Variants in C1QTNF7 observed in about 807,000 individuals in gnomAD.
C1QTNF7 encodes C1q and TNF related 7, also known as complement C1q tumor necrosis factor-related protein 7.
C1QTNF7 carries 15 observed loss-of-function variants against 19.6 expected under a neutral mutation model. The ratio of observed to expected loss-of-function variants is 0.76; its 90% CI spans 0.51 to 1.18. The LOEUF is 1.18. Among genes scored for constraint, C1QTNF7 ranks in the 50% most tolerant of loss-of-function variants. The pLI is 0.00. For synonymous variants in C1QTNF7, 142 were observed against 137.5 expected, an observed-to-expected ratio of 1.03 and a Z score of -0.23; for missense variants, 324 against 359.7, an observed-to-expected ratio of 0.90 and a Z score of 0.80.
rs33924061 is a variant in C1QTNF7 at position 15,431,052 on chromosome 4, T to TGATAGATAGATA, written c.-9+2990_-9+3001dup. On this transcript the variant is annotated intron_variant, in intron 1 of 2. Transcript: ENST00000444304. ...CCATTTGTAGATTAAGATAGATAGA[T>TGATAGATAGATA]GATAGATAGATAGATAGATAGATAG... 3.2e-3 allele frequency among the ~76,000 whole-genome samples: 461 copies of TGATAGATAGATA among 145,014 alleles called. 1 individual carries two copies. Among genetic ancestry groups the TGATAGATAGATA allele is most frequent in the East Asian group, 6.7e-3 (33 of 4,918 alleles).
Position 15,442,968 on chromosome 4 carries a change from C to G in C1QTNF7, c.*169C>G, listed in dbSNP as rs1224152032. The stretch of plus-strand genomic sequence containing the variant: ...ATGAAACACAGAAAAGTTGAAACCA[C>G]AACAAAATGAATTCTATTAAAGAAT... On this transcript the variant is annotated 3_prime_UTR_variant, in exon 3 of 3. Coordinates refer to ENST00000444304, the MANE Select transcript of C1QTNF7 (RefSeq NM_031911.5). The G allele has an allele frequency of 1.5e-5, 9 of 590,276 alleles. No individual in the cohort carries two copies. The African/African-American group carries it at 1.7e-4, about 11-fold the overall frequency. 36.6% of individuals were successfully genotyped at this position (590,276 alleles called of 1,614,324 possible).
chr4:15,395,609 G>C (rs1037465233), intron 1 of C1QTNF7, among the ~76,000 whole-genome samples: 4 of 152,196 alleles, frequency 2.6e-5, no homozygotes, highest in Non-Finnish European at 5.9e-5. Context: ...TCTCTACCAG[G>C]AGGCATGATG....
chr4:15,440,594 G>C (rs1282586332), intron 2 of C1QTNF7, among the ~76,000 whole-genome samples: 1 of 152,050 alleles, frequency 6.6e-6, no homozygotes, highest in Non-Finnish European at 1.5e-5. Flanking sequence ...TTTTAGTAGA[G>C]ACGGGGCTTC....
chr4:15,386,141 C>G (rs572752325), intron 1 of C1QTNF7, among the ~76,000 whole-genome samples: 2 of 152,322 alleles, frequency 1.3e-5, no homozygotes, highest in Non-Finnish European at 2.9e-5. Context: ...ATGTCCGCAT[C>G]CCAGCCCGGC....
At chr4:15,386,123 C>T (rs139234927) in intron 1 of C1QTNF7, among the ~76,000 whole-genome samples, 46 of 152,294 alleles carry the variant, frequency 3.0e-4, no homozygotes, top group African/African-American at 1.1e-3. Flanking sequence ...CCTCAGAGAG[C>T]AGGGAGGATG....
intron 1 of C1QTNF7, among the ~76,000 whole-genome samples, chr4:15,342,277 A>G (rs959833957): frequency 3.9e-5 from 6 of 152,166 alleles, no homozygotes; most frequent in Non-Finnish European, 7.3e-5. Context: ...GCCATGCTGT[A>G]TTAGCTTTGG....
upstream of C1QTNF7, among the ~76,000 whole-genome samples, chr4:15,426,549 T>C (rs1712063657): frequency 6.6e-6 from 1 of 152,234 alleles, no homozygotes; most frequent in Non-Finnish European, 1.5e-5. Flanking sequence ...CAAAAAACCT[T>C]ATTTTATGTG....
intron 1 of C1QTNF7, among the ~76,000 whole-genome samples, chr4:15,348,063 C>A (rs1716778395): frequency 6.6e-6 from 1 of 152,118 alleles, no homozygotes; most frequent in Non-Finnish European, 1.5e-5. Flanking sequence ...GATATATTTG[C>A]AAGCTAGAAG....
At chr4:15,344,318 G>A (rs1716643555) in intron 1 of C1QTNF7, among the ~76,000 whole-genome samples, 1 of 152,204 alleles carries the variant, frequency 6.6e-6, no homozygotes, top group Non-Finnish European at 1.5e-5. Flanking sequence ...AATTGGATGA[G>A]TAACCAGTGC....
upstream of C1QTNF7, among the ~76,000 whole-genome samples, chr4:15,425,879 C>T (rs1407707657): frequency 6.6e-6 from 1 of 151,946 alleles, no homozygotes; most frequent in Non-Finnish European, 1.5e-5. Context: ...TAGTGGTGAG[C>T]AGAGCTGGCT....
At chr4:15,387,801 C>T (rs1718395136) in intron 1 of C1QTNF7, among the ~76,000 whole-genome samples, 1 of 152,070 alleles carries the variant, frequency 6.6e-6, no homozygotes, top group African/African-American at 2.4e-5. Context: ...ATTTAATTTA[C>T]ATATCTAATT....
At chr4:15,373,020 C>T (rs1717789141) in intron 1 of C1QTNF7, among the ~76,000 whole-genome samples, 1 of 152,192 alleles carries the variant, frequency 6.6e-6, no homozygotes, top group Non-Finnish European at 1.5e-5. Flanking sequence ...ATGGTAGTTG[C>T]ACATCCCGCT....
At chr4:15,379,162 T>C (rs951703611) in intron 1 of C1QTNF7, among the ~76,000 whole-genome samples, 1 of 152,240 alleles carries the variant, frequency 6.6e-6, no homozygotes, top group Non-Finnish European at 1.5e-5. Flanking sequence ...ATTTTTTTAA[T>C]ATAATTTTTT....
At chr4:15,394,430 G>A (rs4698106) in intron 1 of C1QTNF7, among the ~76,000 whole-genome samples, 8,701 of 152,314 alleles carry the variant, frequency 0.057, 510 homozygotes, top group Admixed American at 0.18. Flanking sequence ...ACCACATATT[G>A]TTTAGTGAAA....
chr4:15,442,232 G>A lies in C1QTNF7; in HGVS notation c.303G>A (p.Gly101=), dbSNP rs1269992162. 1.2e-6 allele frequency: 2 copies of A among 1,613,950 alleles called. No individual in the cohort carries two copies. Among genetic ancestry groups the A allele is most frequent in the Non-Finnish European group, 1.7e-6 (2 of 1,180,024 alleles). ...AGAAAGGGGACCAAGGAGAGACTGG[G>A]AAGAAAGGACCCATAGGACCAGAGG... ...AGEKGDQGET[G]KKGPIGPEGE... Residue 101 remains glycine (G), a synonymous_variant, in exon 3 of 3, where the codon GGG becomes GGA. Coordinates refer to ENST00000444304, the MANE Select transcript of C1QTNF7 (RefSeq NM_031911.5).
chr4:15,340,100 C>A (rs1350361171), exon 1 of C1QTNF7: 2 of 1,372,516 alleles, frequency 1.5e-6, no homozygotes, highest in African/African-American at 1.4e-5. Context: ...ATAATAAACA[C>A]ATATTTCTGC....
chr4:15,442,476 G>C lies in C1QTNF7; in HGVS notation c.547G>C (p.Gly183Arg). Reference sequence around the variant, plus strand: ...GGGAGAGCACTACAACCCTGCCACAGGGAAGTTCATCTGTGCTTTCCCAGG... The same window carrying C: ...GGGAGAGCACTACAACCCTGCCACACGGAAGTTCATCTGTGCTTTCCCAGG... ...NEGEHYNPAT[G>R]KFICAFPGIY... The change falls in exon 3 of 3, where the codon GGG (glycine) becomes CGG (arginine). Residue 183 changes from glycine (G) to arginine (R), a missense_variant. Physicochemically the swap from Gly to Arg is moderately radical, Grantham distance 125. Coordinates refer to ENST00000444304, the MANE Select transcript of C1QTNF7 (RefSeq NM_031911.5). 6.2e-7 allele frequency: 1 copy of C among 1,614,168 alleles called. No homozygotes were observed. Among genetic ancestry groups the C allele is most frequent in the South Asian group, 1.1e-5 (1 of 91,074 alleles).
chr4:15,385,740 G>A (rs1004672101), intron 1 of C1QTNF7, among the ~76,000 whole-genome samples: 3 of 152,138 alleles, frequency 2.0e-5, no homozygotes, highest in Non-Finnish European at 2.9e-5. Context: ...AAGGCAAGGT[G>A]GATTATACTA....
intron 1 of C1QTNF7, among the ~76,000 whole-genome samples, chr4:15,404,185 G>T (rs1005490685): frequency 6.6e-6 from 1 of 152,194 alleles, no homozygotes; most frequent in African/African-American, 2.4e-5. Context: ...AGATATAGAT[G>T]TTTTTATATA....
Sources: allele counts gnomAD v4.1 joint callset (sites outside exome capture counted in the v4.1 genomes callset), GRCh38; gene constraint gnomAD v4.1.1; transcripts MANE v1.5; gene names NCBI Gene and HGNC (gene_info 2026-07-23, HGNC 2026-07-21).